The following TENM3 variants were observed in gnomAD, a reference collection of about 807,000 sequenced individuals.
TENM3 encodes teneurin-3.
In TENM3, 63 loss-of-function variants were observed where a neutral mutation model predicts 255.1. That is an observed-to-expected ratio of 0.25 (90% CI 0.20 to 0.30). TENM3 has a LOEUF of 0.30. Among genes scored for constraint, TENM3 ranks in the 10% least tolerant of loss-of-function variants. The pLI is 1.00. For missense variants in TENM3, 2,929 were observed against 3,461.1 expected (o/e 0.85, Z 3.86); for synonymous variants, 1,306 against 1,322.3 (o/e 0.99, Z 0.27).
At chr4:181,457,122 G>A in the TENM3 span, among the ~76,000 whole-genome samples, 1 of 151,796 alleles carries the variant, frequency 6.6e-6, no homozygotes, top group Non-Finnish European at 1.5e-5. Flanking sequence ...AAACCTAATA[G>A]GGAGAGTTTA....
At chr4:182,076,136 C>T in the TENM3 span, among the ~76,000 whole-genome samples, 1 of 151,916 alleles carries the variant, frequency 6.6e-6, no homozygotes, top group African/African-American at 2.4e-5. Context: ...GTCTCGAACT[C>T]GTGGCCTCAC....
the TENM3 span, among the ~76,000 whole-genome samples, chr4:181,829,215 T>C: frequency 6.6e-6 from 1 of 152,320 alleles, no homozygotes; most frequent in African/African-American, 2.4e-5. Context: ...CTATCACTGT[T>C]AACAAACAGC....
chr4:181,464,685 T>G, the TENM3 span, among the ~76,000 whole-genome samples: 5 of 152,234 alleles, frequency 3.3e-5, no homozygotes, highest in Non-Finnish European at 5.9e-5. Flanking sequence ...GCGCAGTGGC[T>G]CATGCCTGTA....
rs987184060 is a variant in TENM3, at chr4:182,800,606, T to G, written c.*255T>G. ...TGAACGTAGCCAGAGGAAAAAAAAA[T>G]CATCAAGGACAAAGGCCTCGACCTG... is the stretch of plus-strand genomic sequence containing the variant. On this transcript the variant is annotated 3_prime_UTR_variant, in exon 28 of 28. Coordinates refer to ENST00000511685, the MANE Select transcript of TENM3 (RefSeq NM_001080477.4). The G allele has an allele frequency of 5.2e-6, 2 of 383,638 alleles. No individual in the cohort carries two copies. Among genetic ancestry groups the G allele is most frequent in the Non-Finnish European group, 9.4e-6 (2 of 213,898 alleles). 23.8% of individuals were successfully genotyped at this position (383,638 alleles called of 1,614,324 possible). A position where few individuals can be genotyped will look rare whatever the true frequency, so the allele number is the denominator to read the frequency against.
the TENM3 span, among the ~76,000 whole-genome samples, chr4:181,948,715 C>T: frequency 5.3e-5 from 8 of 152,120 alleles, no homozygotes; most frequent in African/African-American, 9.7e-5. Context: ...CGCGCCTGGC[C>T]GGAAAATTAT....
At chr4:182,290,978 G>A (rs1157367162) in intron 1 of TENM3, among the ~76,000 whole-genome samples, 4 of 151,824 alleles carry the variant, frequency 2.6e-5, no homozygotes, top group Admixed American at 2.6e-4. Context: ...GCACCACCAC[G>A]CCTGGCTAAT....
chr4:181,464,451 T>C, the TENM3 span, among the ~76,000 whole-genome samples: 1 of 152,226 alleles, frequency 6.6e-6, no homozygotes, highest in East Asian at 1.9e-4. Flanking sequence ...TATCTTCTTT[T>C]GAGAAATGTC....
the TENM3 span, among the ~76,000 whole-genome samples, chr4:182,063,084 C>G: frequency 6.6e-6 from 1 of 152,156 alleles, no homozygotes; most frequent in Non-Finnish European, 1.5e-5. Flanking sequence ...TAGTATGAGT[C>G]ACATGAGAAA....
chr4:182,755,612 G>A (rs921014490), intron 22 of TENM3, among the ~76,000 whole-genome samples: 1 of 152,140 alleles, frequency 6.6e-6, no homozygotes, highest in African/African-American at 2.4e-5. Flanking sequence ...GCCGAGGCGG[G>A]CGGATCACGA....
At chr4:181,577,348 G>A in the TENM3 span, among the ~76,000 whole-genome samples, 6 of 150,752 alleles carry the variant, frequency 4.0e-5, no homozygotes, top group Non-Finnish European at 7.4e-5. Context: ...GCCCCTCTCT[G>A]GATTTTTCTT....
At chr4:181,681,912 G>A in the TENM3 span, among the ~76,000 whole-genome samples, 13 of 152,084 alleles carry the variant, frequency 8.5e-5, no homozygotes, top group Non-Finnish European at 1.6e-4. Context: ...TGAGATGAGG[G>A]AGCACTCCAG....
At chr4:182,673,785 G>A (rs4535369) in intron 7 of TENM3, among the ~76,000 whole-genome samples, 46,585 of 152,050 alleles carry the variant, frequency 0.31, 7,646 homozygotes, top group South Asian at 0.45. Flanking sequence ...GTATGATCAT[G>A]TCAGTGTGGT....
At chr4:182,757,311 CAAAAAAAAAAA>C (rs10571604) in intron 22 of TENM3, among the ~76,000 whole-genome samples, 16 of 53,624 alleles carry the variant, frequency 3.0e-4, no homozygotes, top group Admixed American at 2.6e-3. Flanking sequence ...GACTCCGTCT[CAAAAAAAAAAA>C]AAAAAAAAAA....
chr4:181,501,924 C>T, the TENM3 span, among the ~76,000 whole-genome samples: 1 of 152,098 alleles, frequency 6.6e-6, no homozygotes, highest in African/African-American at 2.4e-5. Context: ...GGAAAGAAAC[C>T]AGGGTGAAGG....
the TENM3 span, among the ~76,000 whole-genome samples, chr4:182,087,388 C>A: frequency 6.6e-6 from 1 of 152,152 alleles, no homozygotes; most frequent in Non-Finnish European, 1.5e-5. Context: ...CTTACTGTGT[C>A]CAACTTGTAC....
chr4:181,483,920 T>G, the TENM3 span, among the ~76,000 whole-genome samples: 1 of 152,160 alleles, frequency 6.6e-6, no homozygotes, highest in African/African-American at 2.4e-5. Flanking sequence ...TCCTTACAGT[T>G]TTTTAGTCTA....
chr4:181,590,311 C>T, the TENM3 span, among the ~76,000 whole-genome samples: 4 of 152,096 alleles, frequency 2.6e-5, no homozygotes, highest in Non-Finnish European at 5.9e-5. Flanking sequence ...CCAAGAAGCT[C>T]GAAGGAAATT....
the TENM3 span, among the ~76,000 whole-genome samples, chr4:182,104,603 C>T: frequency 6.6e-6 from 1 of 150,866 alleles, no homozygotes; most frequent in African/African-American, 2.4e-5. Context: ...CTTCTGCCTC[C>T]CGGGTTCAAG....
the TENM3 span, among the ~76,000 whole-genome samples, chr4:181,492,863 T>C: frequency 6.6e-6 from 1 of 152,214 alleles, no homozygotes; most frequent in Non-Finnish European, 1.5e-5. Flanking sequence ...CTTTCTCTGG[T>C]CATATATCAA....
Sources: gnomAD v4.1 joint callset for allele counts (sites outside exome capture counted in the v4.1 genomes callset) on GRCh38, gnomAD v4.1.1 for gene constraint, MANE v1.5 for transcripts, NCBI Gene and HGNC (gene_info 2026-07-23, HGNC 2026-07-21) for gene names.